The following CARS1 variants were observed in gnomAD, a reference collection of about 807,000 sequenced individuals.
CARS1 encodes the protein cysteine--tRNA ligase, cytoplasmic.
A neutral mutation model predicts 106.2 loss-of-function variants in CARS1; 48 were observed. The ratio of observed to expected loss-of-function variants is 0.45; its 90% CI spans 0.36 to 0.57. CARS1 has a LOEUF of 0.57. Ranked by LOEUF, CARS1 falls within the 20% of genes least tolerant of loss-of-function variation. The pLI, the probability that CARS1 is intolerant of heterozygous loss-of-function variation, is 0.00. For synonymous variants in CARS1, 409 were observed against 403.4 expected (o/e 1.01, Z -0.17); for missense variants, 968 against 1,057.2 (o/e 0.92, Z 1.17).
At chr11:3,024,177 C>T (rs1851832089) in intron 10 of CARS1, among the ~76,000 whole-genome samples, 2 of 152,210 alleles carry the variant, frequency 1.3e-5, no homozygotes, top group Non-Finnish European at 2.9e-5. Context: ...AGGCGTGAGC[C>T]ACTGCACCCG....
intron 22 of CARS1, 121 bp from the exon 23 acceptor site, chr11:3,001,369 T>C (rs912099886): frequency 6.6e-5 from 76 of 1,159,478 alleles, no homozygotes; most frequent in Admixed American, 2.0e-5. Flanking sequence ...TCCTCTTGCT[T>C]GGACATTCAG....
rs980409599 is a variant in CARS1, at chr11:3,041,306, T to C, written c.367-322A>G. ...TTATTTAACAATAACACAGCTAATA[T>C]TTACTGAGTACCTACCATGTGCCAG... On this transcript the variant is annotated intron_variant, in intron 3 of 22. Transcript: ENST00000380525. The surrounding 1 kb of genome is among the most constrained non-coding windows in gnomAD (Gnocchi z 4.9). 1.1e-4 allele frequency: 39 copies of C among 360,960 alleles called. No individual in the cohort carries two copies. In the East Asian group the frequency reaches 2.4e-3, roughly 22 times the overall value. The allele number at this position is 360,960 out of a possible 1,614,324, so 22.4% of individuals were successfully genotyped here.
At chr11:3,012,884 C>CTTTTT (rs768906268) in intron 17 of CARS1, among the ~76,000 whole-genome samples, 2 of 116,926 alleles carry the variant, frequency 1.7e-5, no homozygotes, top group African/African-American at 3.6e-5. Flanking sequence ...CTATATTTCC[C>CTTTTT]TTTTTTTTTT....
chr11:3,029,100 G>A lies in CARS1; in HGVS notation c.943-16C>T, dbSNP rs1197322763. On this transcript the variant is annotated splice_polypyrimidine_tract_variant and intron_variant, in intron 8 of 22. Transcript: ENST00000380525. The surrounding 1 kb of genome is among the most constrained non-coding windows in gnomAD (Gnocchi z 5.9). ...GAGGGAGAACCTGTGCAAGACATGA[G>A]AATGTCCTGGGATTTTCCCTTCTGA... is the stretch of plus-strand genomic sequence containing the variant. The A allele has an allele frequency of 1.9e-6, 3 of 1,584,696 alleles. No individual in the cohort carries two copies. In the Admixed American group the frequency reaches 5.0e-5, roughly 26 times the overall value.
In CARS1 at chr11:3,043,947, T is replaced by C. The variant is rs1854808503; in HGVS notation, c.275-1691A>G. The stretch of plus-strand genomic sequence containing the variant: ...TGGTCAGATTCTAAAGCGTAGGCAA[T>C]CTCCAATCTTAATCAAACATCATGT... On this transcript the variant is annotated intron_variant, in intron 2 of 22. Coordinates refer to ENST00000380525, the MANE Select transcript of CARS1 (RefSeq NM_001014437.3). The surrounding 1 kb of genome is among the most constrained non-coding windows in gnomAD (Gnocchi z 4.0). Among the ~76,000 whole-genome samples the C allele has an allele frequency of 1.3e-5, 2 of 151,980 alleles. No individual in the cohort carries two copies. Among genetic ancestry groups the C allele is most frequent in the Non-Finnish European group, 2.9e-5 (2 of 67,982 alleles).
At position 3,003,420 on chromosome 11, in the gene CARS1, C is replaced by G. The variant is rs1054682679; in HGVS notation, c.2218-820G>C. On this transcript the variant is annotated intron_variant, in intron 20 of 22. Coordinates refer to ENST00000380525, the MANE Select transcript of CARS1 (RefSeq NM_001014437.3). This position sits in a 1 kb window ranked among gnomAD's most constrained non-coding sequence, Gnocchi z 4.8. ...AGTTGAAAATCACATTTACTTTGGA[C>G]AGCCTAGATATCAGAGGCTTCCTGG... is the stretch of plus-strand genomic sequence containing the variant. 6.6e-6 allele frequency among the ~76,000 whole-genome samples: 1 copy of G among 152,182 alleles called. No individual in the cohort carries two copies. Among genetic ancestry groups the G allele is most frequent in the Non-Finnish European group, 1.5e-5 (1 of 68,032 alleles).
In CARS1 at chr11:3,017,203, T is replaced by G; in HGVS notation, c.1820A>C (p.Gln607Pro). 1 of 1,614,206 alleles carries G rather than the reference T, an allele frequency of 6.2e-7. No individual in the cohort carries two copies. The change falls in exon 16 of 23, where the codon CAG becomes CCG. Residue 607 changes from glutamine (Q) to proline (P), a missense_variant. By Grantham distance (76) the Gln-to-Pro change is moderately conservative (BLOSUM62 -1). Transcript: ENST00000380525. This position sits in a 1 kb window ranked among gnomAD's most constrained non-coding sequence, Gnocchi z 4.9. ...CCGGGCTGCCATATAGAGGTTGCAC[T>G]GACTGACCAAGGCCCGCATCTCTTC... ...VMEEMRALVS[Q>P]CNLYMAARKA...
intron 3 of CARS1, 89 bp downstream of exon 3, chr11:3,042,076 G>A (rs190336513): frequency 1.1e-5 from 10 of 889,616 alleles, no homozygotes; most frequent in African/African-American, 6.6e-5. Context: ...AAGGAACAGA[G>A]AAGTCTGTTG....
At chr11:3,015,565 A>G (rs1850903316) in intron 17 of CARS1, among the ~76,000 whole-genome samples, 1 of 152,210 alleles carries the variant, frequency 6.6e-6, no homozygotes, top group South Asian at 2.1e-4. Flanking sequence ...AAGTGCCCCA[A>G]ACCAACAGTC....
At chr11:3,031,992 T>TTCCTTCCTTCCTTCCTTCCC in intron 7 of CARS1, among the ~76,000 whole-genome samples, 1 of 9,744 alleles carries the variant, frequency 1.0e-4, no homozygotes, top group African/African-American at 4.8e-4. Context: ...TTCTCCTTCC[T>TTCCTTCCTTCCTTCCTTCCC]TCCTTCCCTC....
chr11:3,007,795 T>A (rs1473258392), intron 18 of CARS1: 1 of 152,270 alleles, frequency 6.6e-6, no homozygotes, highest in African/African-American at 2.4e-5. Context: ...GTTCTCCTAG[T>A]GGGCTCCTCA....
chr11:3,024,253 T>C (rs947630137), intron 10 of CARS1, among the ~76,000 whole-genome samples: 2 of 152,192 alleles, frequency 1.3e-5, no homozygotes, highest in African/African-American at 4.8e-5. Context: ...TTTCCTCTAA[T>C]TGGTGCTTTA....
Position 3,018,397 on chromosome 11 carries a change from T to G in CARS1, c.1629+11A>C. ...GCTCCACCAACCTCCAGGAAGGGGC[T>G]GGGGACTCACATTCAAGAACTTCTC... On this transcript the variant is annotated intron_variant, in intron 14 of 22. Transcript: ENST00000380525. 6.3e-7 allele frequency: 1 copy of G among 1,593,156 alleles called. No homozygotes were observed. The highest frequency in any genetic ancestry group is 8.6e-7 in the Non-Finnish European group (1 of 1,161,468).
In CARS1 at chr11:3,033,773, T is replaced by C. The variant is rs1226911727; in HGVS notation, c.801+4277A>G. ...GCCAAACTGGATCTGAGATGGTTCT[T>C]AGATACAACATGTAAAATCCCAACA... On this transcript the variant is annotated intron_variant, in intron 7 of 22. Transcript: ENST00000380525. Among the ~76,000 whole-genome samples, 4 of 152,286 alleles carry C rather than the reference T, an allele frequency of 2.6e-5. No homozygotes were observed. In the East Asian group the frequency reaches 7.7e-4, roughly 29 times the overall value.
At position 3,028,202 on chromosome 11, in the gene CARS1, A is replaced by G. The variant is rs1852314595; in HGVS notation, c.1031+794T>C. The G allele has an allele frequency of 2.9e-6, 1 of 345,522 alleles. No individual in the cohort carries two copies. The highest frequency in any genetic ancestry group is 2.2e-5 in the African/African-American group (1 of 46,506). 21.4% of individuals were successfully genotyped at this position (345,522 alleles called of 1,614,324 possible). Reference sequence around the variant, plus strand: ...GGGCCCCCTGTCCAGTGGACACGTGACCCACGTGGCCTTACCTATCATTGA... The same window carrying G: ...GGGCCCCCTGTCCAGTGGACACGTGGCCCACGTGGCCTTACCTATCATTGA... On this transcript the variant is annotated intron_variant, in intron 9 of 22. Coordinates refer to ENST00000380525, the MANE Select transcript of CARS1 (RefSeq NM_001014437.3). This position sits in a 1 kb window ranked among gnomAD's most constrained non-coding sequence, Gnocchi z 4.4.
Position 3,048,016 on chromosome 11 carries a change from G to T in CARS1, c.26-15C>A. 6.2e-7 allele frequency: 1 copy of T among 1,607,082 alleles called. No homozygotes were observed. Among genetic ancestry groups the T allele is most frequent in the South Asian group, 1.1e-5 (1 of 90,972 alleles). ...GTAGTCAGGAGCTGCAAAGACAGAG[G>T]GCACATGGTGTCAGGCAGGCAGGCG... On this transcript the variant is annotated splice_polypyrimidine_tract_variant and intron_variant, in intron 1 of 22. Transcript: ENST00000380525. This position sits in a 1 kb window ranked among gnomAD's most constrained non-coding sequence, Gnocchi z 5.1.
chr11:3,017,822 T>C lies in CARS1; in HGVS notation c.1727+35A>G. The C allele has an allele frequency of 7.0e-7, 1 of 1,433,696 alleles. No homozygotes were observed. Among genetic ancestry groups the C allele is most frequent in the Non-Finnish European group, 9.8e-7 (1 of 1,016,102 alleles). 88.8% of individuals were successfully genotyped at this position (1,433,696 alleles called of 1,614,324 possible). On this transcript the variant is annotated intron_variant, in intron 15 of 22. Transcript: ENST00000380525. This position sits in a 1 kb window ranked among gnomAD's most constrained non-coding sequence, Gnocchi z 4.9. ...CGAGGCTAGGCATAGAACATGGGCA[T>C]GCTCAAAAACCCCAAAGAAATGGCA...
In CARS1 at chr11:3,029,545, G is replaced by T; in HGVS notation, c.802-102C>A. ...CCATCAGTGCCCTGAATTCAAAGGT[G>T]CTGACCTTGACCTGTGAAGAGCCAC... is the stretch of plus-strand genomic sequence containing the variant. On this transcript the variant is annotated intron_variant, in intron 7 of 22. Transcript: ENST00000380525. This position sits in a 1 kb window ranked among gnomAD's most constrained non-coding sequence, Gnocchi z 5.9. 1.5e-6 allele frequency: 2 copies of T among 1,340,542 alleles called. No homozygotes were observed. Among genetic ancestry groups the T allele is most frequent in the Non-Finnish European group, 2.1e-6 (2 of 973,342 alleles). The allele number at this position is 1,340,542 out of a possible 1,614,324, so 83.0% of individuals were successfully genotyped here.
At chr11:3,042,105 C>A in intron 3 of CARS1, 60 bp downstream of exon 3, 1 of 1,261,886 alleles carries the variant, frequency 7.9e-7, no homozygotes. Context: ...GGCACATGGG[C>A]TGTCCTGCCT....
Sources: allele counts gnomAD v4.1 joint callset (sites outside exome capture counted in the v4.1 genomes callset), GRCh38; gene constraint gnomAD v4.1.1; non-coding constraint Gnocchi (gnomAD v3.1); transcripts MANE v1.5; gene names NCBI Gene and HGNC (gene_info 2026-07-23, HGNC 2026-07-21).